AQP9: variants seen among roughly 807,000 people sequenced by gnomAD.
AQP9 encodes the protein aquaporin-9.
AQP9 carries 19 observed loss-of-function variants against 23.8 expected under a neutral mutation model. The ratio of observed to expected loss-of-function variants is 0.80; its 90% CI spans 0.56 to 1.17. The LOEUF is 1.17. AQP9 is among the 50% of genes most tolerant of loss of function. AQP9 has a pLI of 0.00. For missense variants in AQP9, 413 were observed against 362.0 expected (o/e 1.14, Z -1.14); for synonymous variants, 153 against 131.5 (o/e 1.16, Z -1.12).
chr15:58,176,026 C>T (rs1169200103), intron 4 of AQP9, among the ~76,000 whole-genome samples: 1 of 152,314 alleles, frequency 6.6e-6, no homozygotes, highest in East Asian at 1.9e-4. Context: ...CTCCAACTTC[C>T]TGCGTGGCTT....
intron 1 of AQP9, among the ~76,000 whole-genome samples, chr15:58,160,670 G>A (rs933919772): frequency 8.6e-5 from 13 of 151,676 alleles, no homozygotes; most frequent in Middle Eastern, 6.8e-3. Context: ...GGACATTATA[G>A]TTTTTGGGGG....
chr15:58,173,270 T>C (rs1898665152), intron 3 of AQP9, 65 bp downstream of exon 3: 1 of 1,602,246 alleles, frequency 6.2e-7, no homozygotes, highest in African/African-American at 1.3e-5. Flanking sequence ...TCAGAATTAC[T>C]TGGTAGGCAC....
chr15:58,178,626 T>G (rs1402497367), intron 4 of AQP9, among the ~76,000 whole-genome samples: 1 of 152,276 alleles, frequency 6.6e-6, no homozygotes, highest in African/African-American at 2.4e-5. Flanking sequence ...TGGATTTATT[T>G]TATTACTAAT....
At chr15:58,170,821 T>C (rs1898603657) in intron 2 of AQP9, among the ~76,000 whole-genome samples, 1 of 152,206 alleles carries the variant, frequency 6.6e-6, no homozygotes, top group African/African-American at 2.4e-5. Context: ...GAAACCTACT[T>C]ATGGGAAATT....
intron 1 of AQP9, among the ~76,000 whole-genome samples, chr15:58,140,661 G>A (rs866118403): frequency 6.6e-6 from 1 of 152,164 alleles, no homozygotes; most frequent in African/African-American, 2.4e-5. Flanking sequence ...ATTTTGCCTT[G>A]TATTTTCTAG....
At chr15:58,157,903 T>C (rs1336654937) in intron 1 of AQP9, among the ~76,000 whole-genome samples, 1 of 152,158 alleles carries the variant, frequency 6.6e-6, no homozygotes, top group Non-Finnish European at 1.5e-5. Flanking sequence ...AGGATTTTCA[T>C]TTCTAGGTCC....
At chr15:58,151,474 C>T (rs1006854997) in intron 1 of AQP9, 1 of 152,056 alleles carries the variant, frequency 6.6e-6, no homozygotes, top group Non-Finnish European at 1.5e-5. Context: ...TCTAACTTCT[C>T]ACTAACTTTC....
chr15:58,175,835 C>G (rs76973255), intron 4 of AQP9, among the ~76,000 whole-genome samples: 4 of 152,208 alleles, frequency 2.6e-5, no homozygotes, highest in Non-Finnish European at 2.9e-5. Flanking sequence ...ACTATGCCCT[C>G]ATGTCCTCAG....
chr15:58,185,215 A>C lies in AQP9; in HGVS notation c.*1080A>C, dbSNP rs369579329. Reference sequence around the variant, plus strand: ...TTTTCAGATAAAGAAACAAAATCTTAGGGAAGATAAGTTGAGTTGTCCAAG... The same window carrying C: ...TTTTCAGATAAAGAAACAAAATCTTCGGGAAGATAAGTTGAGTTGTCCAAG... On this transcript the variant is annotated 3_prime_UTR_variant, in exon 6 of 6. Transcript: ENST00000219919. 1 of 152,618 alleles carries C rather than the reference A, an allele frequency of 6.6e-6. No individual in the cohort carries two copies. The highest frequency in any genetic ancestry group is 2.1e-4 in the South Asian group (1 of 4,832). The allele number at this position is 152,618 out of a possible 1,614,324, so 9.5% of individuals were successfully genotyped here.
intron 5 of AQP9, 124 bp downstream of exon 5, chr15:58,179,469 G>C: frequency 1.3e-6 from 1 of 776,192 alleles, no homozygotes; most frequent in East Asian, 2.7e-5. Flanking sequence ...GCACACTCTG[G>C]TCATAAGCAT....
chr15:58,178,995 A>T, intron 4 of AQP9, 133 bp from the exon 5 acceptor site: 1 of 641,680 alleles, frequency 1.6e-6, no homozygotes, highest in Non-Finnish European at 2.7e-6. Flanking sequence ...CATGCCAGTT[A>T]TTACTAGGCA....
In AQP9 at chr15:58,138,521, C is replaced by T. The variant is rs1193290607; in HGVS notation, c.-45C>T. 2.0e-6 allele frequency: 3 copies of T among 1,507,888 alleles called. No homozygotes were observed. The highest frequency in any genetic ancestry group is 2.7e-6 in the Non-Finnish European group (3 of 1,092,140). The allele number at this position is 1,507,888 out of a possible 1,614,324, so 93.4% of individuals were successfully genotyped here. A position where few individuals can be genotyped will look rare whatever the true frequency, so the allele number is the denominator to read the frequency against. On this transcript the variant is annotated 5_prime_UTR_variant, in exon 1 of 6. Coordinates refer to ENST00000219919, the MANE Select transcript of AQP9 (RefSeq NM_020980.5). ...CTGGCTGTGAAAGTGAGGACCACAACAGGTAGGTATTGGTAGAAACAGGAG... is the reference window on the plus strand; with the variant it reads ...CTGGCTGTGAAAGTGAGGACCACAATAGGTAGGTATTGGTAGAAACAGGAG...
intron 4 of AQP9, among the ~76,000 whole-genome samples, chr15:58,175,298 A>G (rs1395314674): frequency 6.6e-6 from 1 of 152,232 alleles, no homozygotes; most frequent in African/African-American, 2.4e-5. Flanking sequence ...ATGACTAAAC[A>G]TTTCAATCCC....
In AQP9 at chr15:58,183,870, G is replaced by C. The variant is rs1595749791; in HGVS notation, c.714-91G>C. ...GCTGAGTTAAGAGGGAACCATGAGT[G>C]TGAGAAAGACTAACAAGTGAGTGAA... On this transcript the variant is annotated intron_variant, in intron 5 of 5. Coordinates refer to ENST00000219919, the MANE Select transcript of AQP9 (RefSeq NM_020980.5). 7.1e-6 allele frequency: 10 copies of C among 1,418,210 alleles called. 1 individual carries two copies. The East Asian group carries it at 2.1e-4, about 29-fold the overall frequency. The allele number at this position is 1,418,210 out of a possible 1,614,324, so 87.9% of individuals were successfully genotyped here. A position where few individuals can be genotyped will look rare whatever the true frequency, so the allele number is the denominator to read the frequency against.
At chr15:58,160,484 C>T (rs7165997) in intron 1 of AQP9, among the ~76,000 whole-genome samples, 38,401 of 151,910 alleles carry the variant, frequency 0.25, 6,143 homozygotes, top group African/African-American at 0.46. Context: ...AATGGGGTTT[C>T]TTTTGTGCCC....
chr15:58,183,020 C>G (rs1433049845), intron 5 of AQP9, among the ~76,000 whole-genome samples: 1 of 152,160 alleles, frequency 6.6e-6, no homozygotes. Flanking sequence ...CCACATGGAA[C>G]ATATGTGTAG....
chr15:58,168,953 T>C (rs1471591708), intron 2 of AQP9, among the ~76,000 whole-genome samples: 1 of 152,180 alleles, frequency 6.6e-6, no homozygotes, highest in East Asian at 1.9e-4. Flanking sequence ...ATCCAATAGT[T>C]ACTTAGAATT....
chr15:58,156,384 A>G (rs957547657), intron 1 of AQP9, among the ~76,000 whole-genome samples: 6 of 152,164 alleles, frequency 3.9e-5, no homozygotes, highest in African/African-American at 1.4e-4. Context: ...TAATCTGCAT[A>G]CATATAACCA....
At chr15:58,176,162 T>A (rs1159585715) in intron 4 of AQP9, among the ~76,000 whole-genome samples, 1 of 152,206 alleles carries the variant, frequency 6.6e-6, no homozygotes, top group Non-Finnish European at 1.5e-5. Context: ...GTAAGCAGTA[T>A]CTGCCCAGAA....
Sources: allele counts gnomAD v4.1 joint callset (sites outside exome capture counted in the v4.1 genomes callset), GRCh38; gene constraint gnomAD v4.1.1; transcripts MANE v1.5; gene names NCBI Gene and HGNC (gene_info 2026-07-23, HGNC 2026-07-21).